The following PPFIA4 variants were observed in gnomAD, a reference collection of about 807,000 sequenced individuals.
PPFIA4 encodes PPFI scaffold protein A4.
PPFIA4 carries 98 observed loss-of-function variants against 145.7 expected under a neutral mutation model. The ratio of observed to expected loss-of-function variants is 0.67; its 90% CI spans 0.57 to 0.80. PPFIA4 has a LOEUF of 0.80. PPFIA4 is among the 30% of genes least tolerant of loss of function. PPFIA4 has a pLI of 0.00. For synonymous variants in PPFIA4, 628 were observed against 649.6 expected (o/e 0.97, Z 0.51); for missense variants, 1,457 against 1,632.7 (o/e 0.89, Z 1.85).
Position 203,070,007 on chromosome 1 carries a change from C to G in PPFIA4, c.3324+1379C>G, listed in dbSNP as rs1191215416. On this transcript the variant is annotated intron_variant, in intron 27 of 29. Coordinates refer to ENST00000295706, the MANE Select transcript of PPFIA4 (RefSeq NM_001304331.2). ...GATACTTGAAATTTACTGTGCTTCT[C>G]CTTTCAGATCATTTCTAAAAATGTT... Among the ~76,000 whole-genome samples, 4 of 152,150 alleles carry G rather than the reference C, an allele frequency of 2.6e-5. No individual in the cohort carries two copies. The South Asian group carries it at 8.3e-4, about 32-fold the overall frequency.
chr1:203,068,534 A>G lies in PPFIA4; in HGVS notation c.3230A>G (p.Glu1077Gly). ...CGGGACTACGCAGGAAACCTGCATG[A>G]GAGTGGTGTGCATGGAGCCTTGCTG... ...GLRDYAGNLHESGVHGALLAL... is the reference protein window; with the variant it reads ...GLRDYAGNLHGSGVHGALLAL... Residue 1077 changes from glutamate (E) to glycine (G), a missense_variant, in exon 27 of 30, where the codon GAG becomes GGG. This residue lies in a region of PPFIA4 where 848 missense variants were observed against 1,046.7 expected (regional missense o/e 0.81). Transcript: ENST00000295706. The surrounding 1 kb of genome is among the most constrained non-coding windows in gnomAD (Gnocchi z 4.7). 1 of 1,608,710 alleles carries G rather than the reference A, an allele frequency of 6.2e-7. No homozygotes were observed. Among genetic ancestry groups the G allele is most frequent in the Non-Finnish European group, 8.5e-7 (1 of 1,177,678 alleles).
Position 203,076,447 on chromosome 1 carries a change from G to C in PPFIA4, c.*57G>C. The C allele has an allele frequency of 6.6e-7, 1 of 1,518,466 alleles. No homozygotes were observed. The highest frequency in any genetic ancestry group is 1.7e-4 in the Middle Eastern group (1 of 5,882). The allele number at this position is 1,518,466 out of a possible 1,614,324, so 94.1% of individuals were successfully genotyped here. A position where few individuals can be genotyped will look rare whatever the true frequency, so the allele number is the denominator to read the frequency against. ...GGGTTTCACAGGCTCCTCTGGCCCT[G>C]ACCCCTCTTGCTCGTTCCCCTTCCT... On this transcript the variant is annotated 3_prime_UTR_variant, in exon 30 of 30. Transcript: ENST00000295706.
intron 13 of PPFIA4, chr1:203,051,051 TG>T: frequency 1.3e-6 from 1 of 783,952 alleles, no homozygotes; most frequent in Non-Finnish European, 1.5e-6. Context: ...CCCTTCACTC[TG>T]GACTCCCTCA....
In PPFIA4 at chr1:203,043,946, C is replaced by T. The variant is rs1558072006; in HGVS notation, c.352C>T (p.Leu118=). 6.2e-7 allele frequency: 1 copy of T among 1,606,764 alleles called. No individual in the cohort carries two copies. The highest frequency in any genetic ancestry group is 8.5e-7 in the Non-Finnish European group (1 of 1,176,546). Residue 118 remains leucine (L), a synonymous_variant, in exon 4 of 30, where the codon CTG becomes TTG. Coordinates refer to ENST00000295706, the MANE Select transcript of PPFIA4 (RefSeq NM_001304331.2). This position sits in a 1 kb window ranked among gnomAD's most constrained non-coding sequence, Gnocchi z 4.4. ...RNNTRLLLEH[L]ECLVSRHERS... ...TCCCTGCCAGCTGCTTCTGGAACAT[C>T]TGGAGTGCCTGGTGTCCCGCCATGA...
Position 203,056,922 on chromosome 1 carries a change from G to A in PPFIA4, c.2379G>A (p.Gln793=), listed in dbSNP as rs780467381. 2 of 1,614,068 alleles carry A rather than the reference G, an allele frequency of 1.2e-6. No homozygotes were observed. The highest frequency in any genetic ancestry group is 1.1e-5 in the South Asian group (1 of 91,088). Residue 793 remains glutamine, a synonymous_variant, in exon 19 of 30, where the codon CAG becomes CAA. Coordinates refer to ENST00000295706, the MANE Select transcript of PPFIA4 (RefSeq NM_001304331.2). ...AGAAGGAGAAGGGCAGGCTGATCCA[G>A]CTGAGTCGGGATGGAGCCACAGGCC... ...FGKKEKGRLI[Q]LSRDGATGHV...
chr1:203,071,212 C>T (rs1339542562), intron 27 of PPFIA4, among the ~76,000 whole-genome samples: 1 of 148,198 alleles, frequency 6.7e-6, no homozygotes, highest in Non-Finnish European at 1.5e-5. Flanking sequence ...CTCTGTCCCC[C>T]AGGCTGGAGT....
At position 203,060,550 on chromosome 1, in the gene PPFIA4, C is replaced by T; in HGVS notation, c.2784+133C>T. The T allele has an allele frequency of 1.1e-6, 1 of 933,562 alleles. No homozygotes were observed. 57.8% of individuals were successfully genotyped at this position (933,562 alleles called of 1,614,324 possible). The stretch of plus-strand genomic sequence containing the variant: ...CCTTCCCATCCTCACAAAGGGCTCT[C>T]CCTGGTCTTCAGGAGGATATGATGT... On this transcript the variant is annotated intron_variant, in intron 22 of 29. Transcript: ENST00000295706. The surrounding 1 kb of genome is among the most constrained non-coding windows in gnomAD (Gnocchi z 4.8).
At chr1:203,035,439 C>G in intron 1 of PPFIA4, 1 of 423,046 alleles carries the variant, frequency 2.4e-6, no homozygotes, top group Non-Finnish European at 4.8e-6. Flanking sequence ...CCAAAGAGGC[C>G]CCCAAGTTAC....
At chr1:203,071,587 C>T in intron 27 of PPFIA4, 105 bp from the exon 28 acceptor site, 1 of 864,412 alleles carries the variant, frequency 1.2e-6, no homozygotes, top group South Asian at 1.5e-5. Flanking sequence ...TGCACTGGAG[C>T]CTTGCATCTC....
At chr1:203,073,656 C>T (rs1558105694) in intron 28 of PPFIA4, among the ~76,000 whole-genome samples, 1 of 152,006 alleles carries the variant, frequency 6.6e-6, no homozygotes, top group Non-Finnish European at 1.5e-5. Flanking sequence ...CTCTTAAGGG[C>T]GGTATCCAGT....
At chr1:203,027,248 G>C (rs1658472400) in intron 1 of PPFIA4, among the ~76,000 whole-genome samples, 1 of 152,172 alleles carries the variant, frequency 6.6e-6, no homozygotes, top group South Asian at 2.1e-4. Flanking sequence ...AACAGGAAAA[G>C]AGGGCTGGAA....
chr1:203,044,086 G>T lies in PPFIA4; in HGVS notation c.492G>T (p.Leu164=). The change falls in exon 4 of 30, where the codon CTG becomes CTT. Residue 164 remains leucine, a synonymous_variant. Coordinates refer to ENST00000295706, the MANE Select transcript of PPFIA4 (RefSeq NM_001304331.2). ...LKSLFEHHKA[L]DEKVRERLRA... ...CACTGTTTGAGCACCACAAGGCCCTGGATGAGAAGGTGCCCACCTGCCCGC... is the reference window on the plus strand; with the variant it reads ...CACTGTTTGAGCACCACAAGGCCCTTGATGAGAAGGTGCCCACCTGCCCGC... 1 of 1,589,340 alleles carries T rather than the reference G, an allele frequency of 6.3e-7. No individual in the cohort carries two copies.
At chr1:203,074,002 G>A (rs965294311) in intron 28 of PPFIA4, among the ~76,000 whole-genome samples, 1 of 152,152 alleles carries the variant, frequency 6.6e-6, no homozygotes, top group Non-Finnish European at 1.5e-5. Context: ...AGAGGTTGGT[G>A]ATACATTGGT....
chr1:203,031,648 A>G (rs1328607466), intron 1 of PPFIA4, among the ~76,000 whole-genome samples: 3 of 152,210 alleles, frequency 2.0e-5, no homozygotes, highest in African/African-American at 7.2e-5. Flanking sequence ...TGATCTACGA[A>G]TGCAGTGACT....
intron 28 of PPFIA4, among the ~76,000 whole-genome samples, chr1:203,074,071 G>A (rs1011818752): frequency 3.3e-5 from 5 of 152,176 alleles, no homozygotes; most frequent in Non-Finnish European, 5.9e-5. Flanking sequence ...GAGAAAGAGC[G>A]AGAAAGAAAG....
In PPFIA4 at chr1:203,075,007, C is replaced by T. The variant is rs1010797583; in HGVS notation, c.3394-570C>T. Among the ~76,000 whole-genome samples, 1 of 152,124 alleles carries T rather than the reference C, an allele frequency of 6.6e-6. No homozygotes were observed. Among genetic ancestry groups the T allele is most frequent in the Non-Finnish European group, 1.5e-5 (1 of 68,020 alleles). ...AACAGGTAGGGCAGATGTTATTATT[C>T]TCATTTTACAGATAAGGAAACTGAG... On this transcript the variant is annotated intron_variant, in intron 28 of 29. Coordinates refer to ENST00000295706, the MANE Select transcript of PPFIA4 (RefSeq NM_001304331.2). This position sits in a 1 kb window ranked among gnomAD's most constrained non-coding sequence, Gnocchi z 4.1.
At chr1:203,046,882 A>G (rs1660126021) in intron 9 of PPFIA4, among the ~76,000 whole-genome samples, 1 of 152,152 alleles carries the variant, frequency 6.6e-6, no homozygotes, top group Admixed American at 6.5e-5. Flanking sequence ...GGTTGTTTGA[A>G]GGCTGCAGTT....
intron 2 of PPFIA4, 75 bp downstream of exon 2, chr1:203,039,317 C>A: frequency 2.8e-6 from 3 of 1,080,524 alleles, no homozygotes; most frequent in Non-Finnish European, 3.9e-6. Flanking sequence ...GGGCCCTCAG[C>A]TCATCTGCAT....
At chr1:203,034,047 G>A (rs1243558470) in intron 1 of PPFIA4, among the ~76,000 whole-genome samples, 1 of 152,164 alleles carries the variant, frequency 6.6e-6, no homozygotes, top group African/African-American at 2.4e-5. Context: ...ACTCAGAGAT[G>A]GGTCTACAGA....
Sources: gnomAD v4.1 joint callset for allele counts (sites outside exome capture counted in the v4.1 genomes callset) on GRCh38, gnomAD v4.1.1 for gene constraint, gnomAD v4.1.1 regional missense constraint, Gnocchi (gnomAD v3.1) non-coding constraint, MANE v1.5 for transcripts, NCBI Gene and HGNC (gene_info 2026-07-23, HGNC 2026-07-21) for gene names.